CAMTA1: variants seen among roughly 807,000 people sequenced by gnomAD.
The protein encoded by CAMTA1 is calmodulin-binding transcription activator 1.
In CAMTA1, 27 loss-of-function variants were observed where a neutral mutation model predicts 170.9. The observed-to-expected ratio is 0.16, with a 90% CI of 0.12 to 0.22. The LOEUF is 0.22. Among genes scored for constraint, CAMTA1 ranks in the 10% least tolerant of loss-of-function variants. The probability of loss-of-function intolerance (pLI) is 1.00; values close to 1 mark genes in which losing one functional copy is unlikely to be tolerated. For missense variants in CAMTA1, 1,619 were observed against 2,217.2 expected, an observed-to-expected ratio of 0.73 and a Z score of 5.42; for synonymous variants, 833 against 891.5, an observed-to-expected ratio of 0.93 and a Z score of 1.17.
intron 3 of CAMTA1, among the ~76,000 whole-genome samples, chr1:6,827,815 T>A (rs1647663263): frequency 6.6e-6 from 1 of 152,202 alleles, no homozygotes; most frequent in Non-Finnish European, 1.5e-5. Context: ...AGACTGCCCT[T>A]ATTAAGAGCC....
intron 6 of CAMTA1, among the ~76,000 whole-genome samples, chr1:7,586,179 C>A (rs2095308158): frequency 6.6e-6 from 1 of 152,118 alleles, no homozygotes; most frequent in South Asian, 2.1e-4. Flanking sequence ...GGGCCCCGGG[C>A]ACCCTCCAGT....
Position 7,617,115 on chromosome 1 carries a change from G to A in CAMTA1, c.511-23285G>A, listed in dbSNP as rs148035930. Among the ~76,000 whole-genome samples the A allele has an allele frequency of 7.2e-4, 109 of 152,296 alleles. 1 individual carries two copies. The East Asian group carries it at 0.015, about 21-fold the overall frequency. ...AGACTGCTGGGAGCCAAGAGAAGGA[G>A]CCAGGTTCGGCCACGGGATGCCTGG... On this transcript the variant is annotated intron_variant, in intron 6 of 22. Coordinates refer to ENST00000303635, the MANE Select transcript of CAMTA1 (RefSeq NM_015215.4).
intron 3 of CAMTA1, among the ~76,000 whole-genome samples, chr1:6,872,359 T>G (rs772442014): frequency 1.3e-5 from 2 of 152,204 alleles, no homozygotes; most frequent in Non-Finnish European, 2.9e-5. Flanking sequence ...ATCTTCAGAT[T>G]ATATTTTGTA....
chr1:7,408,390 C>T (rs11120909), intron 5 of CAMTA1, among the ~76,000 whole-genome samples: 48,106 of 152,142 alleles, frequency 0.32, 7,845 homozygotes, highest in Non-Finnish European at 0.34. Flanking sequence ...GGTGGGGTCC[C>T]AGTCATTAGG....
intron 5 of CAMTA1, among the ~76,000 whole-genome samples, chr1:7,454,569 A>T (rs1233882181): frequency 6.6e-6 from 1 of 152,150 alleles, no homozygotes; most frequent in Non-Finnish European, 1.5e-5. Flanking sequence ...CCAAACTTCC[A>T]CCAGGCACCC....
At chr1:7,582,642 C>T (rs1458524791) in intron 6 of CAMTA1, among the ~76,000 whole-genome samples, 1 of 152,154 alleles carries the variant, frequency 6.6e-6, no homozygotes, top group Non-Finnish European at 1.5e-5. Context: ...GCTCTAACTC[C>T]AGCCATCGTG....
intron 6 of CAMTA1, among the ~76,000 whole-genome samples, chr1:7,522,116 G>A (rs1209869536): frequency 1.3e-5 from 2 of 152,142 alleles, no homozygotes; most frequent in Middle Eastern, 3.2e-3. Flanking sequence ...CCCCACTAAC[G>A]GGGTATGACG....
chr1:6,786,047 C>T (rs1377398059), intron 1 of CAMTA1, among the ~76,000 whole-genome samples: 1 of 151,672 alleles, frequency 6.6e-6, no homozygotes, highest in Non-Finnish European at 1.5e-5. Context: ...GGGCCGGTCC[C>T]CGTCGGGCGG....
intron 5 of CAMTA1, among the ~76,000 whole-genome samples, chr1:7,462,831 C>T (rs2093122532): frequency 6.6e-6 from 1 of 152,172 alleles, no homozygotes; most frequent in Non-Finnish European, 1.5e-5. Flanking sequence ...TGCCAGCCCA[C>T]AGGATGGGTG....
In CAMTA1 at chr1:7,579,510, A is replaced by G. The variant is rs13374209; in HGVS notation, c.511-60890A>G. Among the ~76,000 whole-genome samples, 303 of 132,922 alleles carry G rather than the reference A, an allele frequency of 2.3e-3. 2 individuals carry two copies. The highest frequency in any genetic ancestry group is 7.7e-3 in the African/African-American group (276 of 35,762). 87.2% of individuals were successfully genotyped at this position (132,922 alleles called of 152,430 possible). On this transcript the variant is annotated intron_variant, in intron 6 of 22. Transcript: ENST00000303635. ...CTGGAGGTGGCAAGCCAAGAGGTCC[A>G]TTTGGTTTTGCTCTAAGGTCCACTT...
At chr1:7,006,349 G>A (rs1259420197) in intron 3 of CAMTA1, among the ~76,000 whole-genome samples, 1 of 152,066 alleles carries the variant, frequency 6.6e-6, no homozygotes, top group Non-Finnish European at 1.5e-5. Context: ...CATAAAAGCA[G>A]AAAGAAGAAA....
chr1:7,617,717 A>G (rs2095569244), intron 6 of CAMTA1, among the ~76,000 whole-genome samples: 1 of 109,156 alleles, frequency 9.2e-6, no homozygotes, highest in African/African-American at 3.6e-5. Context: ...ATGCATACAC[A>G]TAAGGTCTAA....
chr1:7,521,093 C>A (rs1240531720), intron 6 of CAMTA1, among the ~76,000 whole-genome samples: 5 of 152,180 alleles, frequency 3.3e-5, no homozygotes. Context: ...TTTTCATAAG[C>A]TAAATGTTCA....
chr1:7,088,365 C>G (rs897091726), intron 3 of CAMTA1, among the ~76,000 whole-genome samples: 1 of 152,060 alleles, frequency 6.6e-6, no homozygotes, highest in African/African-American at 2.4e-5. Flanking sequence ...ATGACGTGAC[C>G]CCTGCTAAGT....
At chr1:7,024,334 C>T (rs1701773012) in intron 3 of CAMTA1, among the ~76,000 whole-genome samples, 1 of 152,020 alleles carries the variant, frequency 6.6e-6, no homozygotes, top group Non-Finnish European at 1.5e-5. Flanking sequence ...CAGGGTGAAA[C>T]TACTGAACAC....
chr1:7,173,396 T>A lies in CAMTA1; in HGVS notation c.303-76095T>A, dbSNP rs908208729. ...AACTGTGGGAACACACAGTTTAATTTTTTTTTTTAAGACTGATTTTCACTC... is the reference window on the plus strand; with the variant it reads ...AACTGTGGGAACACACAGTTTAATTATTTTTTTTAAGACTGATTTTCACTC... On this transcript the variant is annotated intron_variant, in intron 4 of 22. Coordinates refer to ENST00000303635, the MANE Select transcript of CAMTA1 (RefSeq NM_015215.4). The surrounding 1 kb of genome is among the most constrained non-coding windows in gnomAD (Gnocchi z 5.4). 1.3e-5 allele frequency among the ~76,000 whole-genome samples: 2 copies of A among 152,158 alleles called. No individual in the cohort carries two copies. The highest frequency in any genetic ancestry group is 4.8e-5 in the African/African-American group (2 of 41,422).
intron 4 of CAMTA1, among the ~76,000 whole-genome samples, chr1:7,177,912 G>T (rs943334044): frequency 6.8e-6 from 1 of 147,090 alleles, no homozygotes; most frequent in African/African-American, 2.5e-5. Context: ...CCCTCAGGCG[G>T]AGGCTCTTCC....
chr1:7,727,144 A>G (rs2149844308), intron 11 of CAMTA1, among the ~76,000 whole-genome samples: 1 of 133,234 alleles, frequency 7.5e-6, no homozygotes. Flanking sequence ...TTTTTTTGAG[A>G]CAGAGTCTCG....
At chr1:7,296,369 A>G (rs1673942603) in intron 5 of CAMTA1, among the ~76,000 whole-genome samples, 2 of 152,180 alleles carry the variant, frequency 1.3e-5, no homozygotes, top group Non-Finnish European at 2.9e-5. Context: ...TTGTGCTCCT[A>G]ACTACCACAG....
Sources: allele counts gnomAD v4.1 joint callset (sites outside exome capture counted in the v4.1 genomes callset), GRCh38; gene constraint gnomAD v4.1.1; non-coding constraint Gnocchi (gnomAD v3.1); transcripts MANE v1.5; gene names NCBI Gene and HGNC (gene_info 2026-07-23, HGNC 2026-07-21).